KCNH1: variants seen among roughly 807,000 people sequenced by gnomAD.
The protein encoded by KCNH1 is voltage-gated delayed rectifier potassium channel KCNH1.
Under a neutral mutation model 69.2 loss-of-function variants are expected in KCNH1, and 27 were observed. The ratio of observed to expected loss-of-function variants is 0.39; its 90% CI spans 0.29 to 0.54. The LOEUF (loss-of-function observed/expected upper bound fraction) is 0.54. KCNH1 is among the 20% of genes least tolerant of loss of function. KCNH1 has a pLI of 0.68. For missense variants in KCNH1, 798 were observed against 1,261.6 expected, an observed-to-expected ratio of 0.63 and a Z score of 5.57; for synonymous variants, 456 against 487.7, an observed-to-expected ratio of 0.93 and a Z score of 0.86.
intron 6 of KCNH1, among the ~76,000 whole-genome samples, chr1:210,985,187 G>A (rs1250951161): frequency 6.6e-6 from 1 of 151,886 alleles, no homozygotes; most frequent in Non-Finnish European, 1.5e-5. Context: ...TTCTTTATTA[G>A]TCTTGCTAGT....
At chr1:210,833,980 A>G (rs1685224752) in intron 7 of KCNH1, among the ~76,000 whole-genome samples, 1 of 152,244 alleles carries the variant, frequency 6.6e-6, no homozygotes, top group South Asian at 2.1e-4. Context: ...CAAAACCACA[A>G]TGAGATAGCA....
chr1:210,901,355 C>A (rs972863153), intron 7 of KCNH1, among the ~76,000 whole-genome samples: 4 of 152,184 alleles, frequency 2.6e-5, no homozygotes, highest in Admixed American at 1.3e-4. Flanking sequence ...CATCAGAGCT[C>A]ACCTCAGTTC....
At chr1:210,806,145 A>G (rs552172114) in intron 7 of KCNH1, among the ~76,000 whole-genome samples, 1 of 152,322 alleles carries the variant, frequency 6.6e-6, no homozygotes, top group South Asian at 2.1e-4. Flanking sequence ...TGCAGAATTG[A>G]TTTCCAAAGT....
intron 6 of KCNH1, among the ~76,000 whole-genome samples, chr1:210,938,030 A>T (rs1687804766): frequency 1.3e-5 from 2 of 152,216 alleles, no homozygotes; most frequent in South Asian, 4.1e-4. Flanking sequence ...CCTCTATGGG[A>T]ATGTCCCTGG....
intron 5 of KCNH1, among the ~76,000 whole-genome samples, chr1:211,036,639 G>A (rs1419320352): frequency 1.3e-5 from 2 of 152,156 alleles, no homozygotes; most frequent in Non-Finnish European, 2.9e-5. Context: ...TATGTTAGAC[G>A]CTCAATGAGA....
At chr1:210,801,448 T>C (rs1338019928) in intron 8 of KCNH1, among the ~76,000 whole-genome samples, 5 of 152,024 alleles carry the variant, frequency 3.3e-5, no homozygotes, top group Admixed American at 2.6e-4. Flanking sequence ...CCAGAGTGAG[T>C]AGCCACAGTT....
chr1:210,798,109 G>A (rs1193753288), intron 8 of KCNH1, among the ~76,000 whole-genome samples: 2 of 149,744 alleles, frequency 1.3e-5, no homozygotes, highest in Non-Finnish European at 3.0e-5. Context: ...GCATGATCTC[G>A]GCTCACTGCA....
At chr1:210,865,784 TC>T (rs961898775) in intron 7 of KCNH1, among the ~76,000 whole-genome samples, 29 of 152,180 alleles carry the variant, frequency 1.9e-4, no homozygotes, top group Admixed American at 1.2e-3. Context: ...ATAAGGCCTC[TC>T]TCTTACTTTT....
chr1:211,037,654 A>C (rs1689921917), intron 5 of KCNH1, among the ~76,000 whole-genome samples: 1 of 152,014 alleles, frequency 6.6e-6, no homozygotes, highest in African/African-American at 2.4e-5. Context: ...AGGACTTCCC[A>C]ATTAAATCCA....
In KCNH1 at chr1:210,791,574, G is replaced by A. The variant is rs369535905; in HGVS notation, c.1915+5934C>T. The stretch of plus-strand genomic sequence containing the variant: ...CTTTCCACTTTCAGACTCAGACTAC[G>A]AAACTCCTACTTGTCCTTCCAAGCC... On this transcript the variant is annotated intron_variant, in intron 9 of 10. Coordinates refer to ENST00000271751, the MANE Select transcript of KCNH1 (RefSeq NM_172362.3). Among the ~76,000 whole-genome samples the A allele has an allele frequency of 9.2e-5, 14 of 152,188 alleles. No individual in the cohort carries two copies. In the South Asian group the frequency reaches 1.7e-3, roughly 18 times the overall value.
intron 6 of KCNH1, among the ~76,000 whole-genome samples, chr1:210,974,317 A>T (rs568046251): frequency 9.9e-5 from 15 of 152,230 alleles, no homozygotes; most frequent in African/African-American, 2.6e-4. Flanking sequence ...TTAATACAGT[A>T]TATTACAGTA....
chr1:210,774,035 A>T (rs1412089000), intron 10 of KCNH1, among the ~76,000 whole-genome samples: 3 of 152,128 alleles, frequency 2.0e-5, no homozygotes, highest in Admixed American at 6.5e-5. Context: ...TACTGTGTGG[A>T]ATTCTCATGG....
chr1:211,107,176 C>T (rs995443034), intron 2 of KCNH1, 78 bp downstream of exon 2: 66 of 1,532,168 alleles, frequency 4.3e-5, no homozygotes, highest in African/African-American at 8.3e-5. Context: ...AGGCAATTCC[C>T]GAATGCAGTA....
At chr1:210,844,265 G>A (rs973240371) in intron 7 of KCNH1, among the ~76,000 whole-genome samples, 2 of 152,184 alleles carry the variant, frequency 1.3e-5, no homozygotes, top group Non-Finnish European at 2.9e-5. Context: ...GCTCATGCCT[G>A]TAATCCCAGC....
intron 5 of KCNH1, among the ~76,000 whole-genome samples, chr1:211,075,581 G>A (rs1326372821): frequency 1.3e-5 from 2 of 152,222 alleles, no homozygotes; most frequent in Non-Finnish European, 2.9e-5. Flanking sequence ...CCACCCAGGT[G>A]TAGTTGAAAA....
chr1:210,700,633 C>G (rs1309861104), intron 10 of KCNH1, among the ~76,000 whole-genome samples: 2 of 152,318 alleles, frequency 1.3e-5, no homozygotes, highest in African/African-American at 4.8e-5. Flanking sequence ...CAGCAGTTGG[C>G]AAGCTGCTTC....
In KCNH1 at chr1:210,987,670, G is replaced by A. The variant is rs540468210; in HGVS notation, c.1032+31113C>T. On this transcript the variant is annotated intron_variant, in intron 6 of 10. Coordinates refer to ENST00000271751, the MANE Select transcript of KCNH1 (RefSeq NM_172362.3). Reference sequence around the variant, plus strand: ...TTTTGTCTCAGAGGAGTACCCGGCCGTGTGAGGTGTCAGTCTGCCCCTACT... The same window carrying A: ...TTTTGTCTCAGAGGAGTACCCGGCCATGTGAGGTGTCAGTCTGCCCCTACT... 4.8e-4 allele frequency among the ~76,000 whole-genome samples: 73 copies of A among 152,274 alleles called. No individual in the cohort carries two copies. The Middle Eastern group carries it at 0.01, about 21-fold the overall frequency.
chr1:210,730,094 A>G (rs1407952392), intron 10 of KCNH1, among the ~76,000 whole-genome samples: 1 of 152,198 alleles, frequency 6.6e-6, no homozygotes, highest in East Asian at 1.9e-4. Flanking sequence ...CTTGTTTTCC[A>G]GAGCAACTGT....
At chr1:210,963,251 A>C (rs1688331123) in intron 6 of KCNH1, among the ~76,000 whole-genome samples, 1 of 152,164 alleles carries the variant, frequency 6.6e-6, no homozygotes. Flanking sequence ...CATCAACAAA[A>C]GGGACGTCCA....
Sources: gnomAD v4.1 joint callset for allele counts (sites outside exome capture counted in the v4.1 genomes callset) on GRCh38, gnomAD v4.1.1 for gene constraint, MANE v1.5 for transcripts, NCBI Gene and HGNC (gene_info 2026-07-23, HGNC 2026-07-21) for gene names.